The following RYR3 variants were observed in gnomAD, a reference collection of about 807,000 sequenced individuals.
The protein encoded by RYR3 is brain ryanodine receptor-calcium release channel.
Under a neutral mutation model 584.3 loss-of-function variants are expected in RYR3, and 207 were observed. The ratio of observed to expected loss-of-function variants is 0.35; its 90% confidence interval spans 0.32 to 0.40. RYR3 has a LOEUF of 0.40. RYR3 is among the 10% of genes least tolerant of loss of function. The pLI, the probability that RYR3 is intolerant of heterozygous loss-of-function variation, is 1.00. For missense variants in RYR3, 5,616 were observed against 6,089.2 expected (o/e 0.92, Z 2.59); for synonymous variants, 2,416 against 2,248.5 (o/e 1.07, Z -2.11).
chr15:33,615,143 A>T (rs2060386971), intron 19 of RYR3, among the ~76,000 whole-genome samples: 1 of 152,218 alleles, frequency 6.6e-6, no homozygotes, highest in Non-Finnish European at 1.5e-5. Context: ...TCAATTGAGC[A>T]GGAGACTGGA....
intron 16 of RYR3, among the ~76,000 whole-genome samples, chr15:33,591,229 C>G (rs2059115077): frequency 6.6e-6 from 1 of 152,214 alleles, no homozygotes; most frequent in African/African-American, 2.4e-5. Context: ...ACGCCACTTC[C>G]TCCATGAATC....
At chr15:33,737,268 T>A (rs558813485) in intron 49 of RYR3, among the ~76,000 whole-genome samples, 43 of 152,222 alleles carry the variant, frequency 2.8e-4, no homozygotes, top group African/African-American at 9.1e-4. Flanking sequence ...GGCCTTCCCT[T>A]TTTTTTATTG....
rs1404408308 is a variant in RYR3 at position 33,580,236 on chromosome 15, C to T, written c.1437+92C>T. On this transcript the variant is annotated intron_variant, in intron 13 of 103. Transcript: ENST00000634891. ...ACTTAGCTTTGTCTTTCTGCATGCACGTGTTTATGAGAGAGCCAGAGGACA... is the reference window on the plus strand; with the variant it reads ...ACTTAGCTTTGTCTTTCTGCATGCATGTGTTTATGAGAGAGCCAGAGGACA... The T allele has an allele frequency of 1.0e-5, 11 of 1,071,280 alleles. No individual in the cohort carries two copies. The East Asian group carries it at 1.1e-4, about 10-fold the overall frequency. 66.4% of individuals were successfully genotyped at this position (1,071,280 alleles called of 1,614,324 possible). A position where few individuals can be genotyped will look rare whatever the true frequency, so the allele number is the denominator to read the frequency against.
At chr15:33,808,493 A>G (rs1054531875) in intron 70 of RYR3, among the ~76,000 whole-genome samples, 2 of 152,226 alleles carry the variant, frequency 1.3e-5, no homozygotes, top group Non-Finnish European at 2.9e-5. Flanking sequence ...TACACTTTTG[A>G]GCATATTTAT....
At position 33,311,353 on chromosome 15, in the gene RYR3, T is replaced by A. The variant is rs1227184376; in HGVS notation, c.51+257T>A. 6.6e-6 allele frequency among the ~76,000 whole-genome samples: 1 copy of A among 152,144 alleles called. No homozygotes were observed. Among genetic ancestry groups the A allele is most frequent in the East Asian group, 1.9e-4 (1 of 5,182 alleles). Reference sequence around the variant, plus strand: ...CCCCAGGCCCTCCACCTAGGACCGCTCGCTCTCCAGGCAACTTGCTACTTG... The same window carrying A: ...CCCCAGGCCCTCCACCTAGGACCGCACGCTCTCCAGGCAACTTGCTACTTG... On this transcript the variant is annotated intron_variant, in intron 1 of 103. Coordinates refer to ENST00000634891, the MANE Select transcript of RYR3 (RefSeq NM_001036.6). This position sits in a 1 kb window ranked among gnomAD's most constrained non-coding sequence, Gnocchi z 4.4.
intron 59 of RYR3, 140 bp downstream of exon 59, chr15:33,756,513 C>G (rs2071848336): frequency 1.4e-6 from 1 of 706,020 alleles, no homozygotes; most frequent in Admixed American, 2.5e-5. Flanking sequence ...TGTCGTGTAA[C>G]AGTCCCAAGG....
intron 31 of RYR3, among the ~76,000 whole-genome samples, chr15:33,651,523 T>TAA (rs1478828101): frequency 6.6e-6 from 1 of 152,240 alleles, no homozygotes. Context: ...GGGAAAGTGA[T>TAA]AGACTTCTAG....
intron 89 of RYR3, 29 bp downstream of exon 89, chr15:33,838,987 C>T: frequency 1.5e-5 from 23 of 1,581,488 alleles, no homozygotes; most frequent in Non-Finnish European, 2.0e-5. Flanking sequence ...TTTCATCTTC[C>T]TTTATCCCCA....
intron 76 of RYR3, among the ~76,000 whole-genome samples, chr15:33,819,534 C>T (rs1251134994): frequency 1.3e-5 from 2 of 151,884 alleles, no homozygotes; most frequent in African/African-American, 4.8e-5. Context: ...GTTAGCTGGG[C>T]ATGGTGGCAG....
Position 33,662,939 on chromosome 15 carries a change from C to CAAGCTGCAGGT in RYR3, c.5418+3_5418+13dup. On this transcript the variant is annotated frameshift_variant, in exon 35 of 104. Transcript: ENST00000634891. LOFTEE classifies it high-confidence loss of function. The stretch of plus-strand genomic sequence containing the variant: ...TGCAGACTCGATTACCCGAATCCGT[C>CAAGCTGCAGGT]AAGCTGCAGGTAAGCTGCAGGTGGT... The CAAGCTGCAGGT allele has an allele frequency of 3.0e-5, 48 of 1,611,576 alleles. No individual in the cohort carries two copies. In the East Asian group the frequency reaches 3.6e-4, roughly 12 times the overall value.
rs10647466 is a variant in RYR3 at position 33,450,087 on chromosome 15, T to TAAAA, written c.52-23311_52-23308dup. On this transcript the variant is annotated intron_variant, in intron 1 of 103. Coordinates refer to ENST00000634891, the MANE Select transcript of RYR3 (RefSeq NM_001036.6). The stretch of plus-strand genomic sequence containing the variant: ...TTACTGCGGCTAGAGCATTAATACC[T>TAAAA]AAAAAAAAAAAAAAAAAAAAAAAAG... Among the ~76,000 whole-genome samples, 483 of 67,292 alleles carry TAAAA rather than the reference T, an allele frequency of 7.2e-3. 50 individuals are homozygous for TAAAA. The highest frequency in any genetic ancestry group is 0.023 in the Middle Eastern group (2 of 88). The allele number at this position is 67,292 out of a possible 152,430, so 44.1% of individuals were successfully genotyped here.
chr15:33,757,271 C>T (rs1257585387), intron 59 of RYR3, among the ~76,000 whole-genome samples: 1 of 152,150 alleles, frequency 6.6e-6, no homozygotes, highest in African/African-American at 2.4e-5. Flanking sequence ...TGGCTGTCTC[C>T]TTTCACATGC....
At chr15:33,578,922 G>A (rs1567582725) in intron 12 of RYR3, among the ~76,000 whole-genome samples, 2 of 152,132 alleles carry the variant, frequency 1.3e-5, no homozygotes, top group African/African-American at 4.8e-5. Context: ...AGGCTCCCAG[G>A]TGTACTCCTC....
chr15:33,730,702 G>A (rs2068873951), intron 47 of RYR3, among the ~76,000 whole-genome samples: 1 of 152,214 alleles, frequency 6.6e-6, no homozygotes, highest in Admixed American at 6.5e-5. Flanking sequence ...TTTCAAAGAT[G>A]GTGGTAAAGC....
intron 1 of RYR3, among the ~76,000 whole-genome samples, chr15:33,341,024 T>C (rs1366270470): frequency 6.6e-6 from 1 of 152,122 alleles, no homozygotes; most frequent in African/African-American, 2.4e-5. Context: ...CCCCAGAGTT[T>C]CTGATTCAGT....
intron 5 of RYR3, among the ~76,000 whole-genome samples, chr15:33,533,886 ACTTT>A (rs34642512): frequency 0.19 from 28,494 of 152,112 alleles, 3,013 homozygotes; most frequent in Admixed American, 0.32. Flanking sequence ...AATATCATTT[ACTTT>A]ATGATTTTAT....
intron 62 of RYR3, among the ~76,000 whole-genome samples, chr15:33,770,221 C>A (rs373141007): frequency 1.3e-5 from 2 of 151,548 alleles, no homozygotes; most frequent in Admixed American, 6.6e-5. Context: ...AAGAGTGGGA[C>A]ACTAAAAGAG....
Position 33,863,186 on chromosome 15 carries a change from C to T in RYR3, c.14466-952C>T, listed in dbSNP as rs532118329. Among the ~76,000 whole-genome samples, 16 of 152,268 alleles carry T rather than the reference C, an allele frequency of 1.1e-4. No homozygotes were observed. The South Asian group carries it at 3.1e-3, about 30-fold the overall frequency. ...TGAGGGGAAAGAACCCAATTTTATT[C>T]GTGTTTGAGCCTCCCACCTAAAATG... On this transcript the variant is annotated intron_variant, in intron 102 of 103. Transcript: ENST00000634891.
chr15:33,753,040 C>T (rs1397528115), intron 57 of RYR3, among the ~76,000 whole-genome samples: 1 of 152,056 alleles, frequency 6.6e-6, no homozygotes, highest in Admixed American at 6.6e-5. Flanking sequence ...TGGTTTTTGT[C>T]ATTGGTTCTG....
Sources: gnomAD v4.1 joint callset for allele counts (sites outside exome capture counted in the v4.1 genomes callset) on GRCh38, gnomAD v4.1.1 for gene constraint, Gnocchi (gnomAD v3.1) non-coding constraint, MANE v1.5 for transcripts, NCBI Gene and HGNC (gene_info 2026-07-23, HGNC 2026-07-21) for gene names.